The following SUCO variants were observed in gnomAD, a reference collection of about 807,000 sequenced individuals.
The protein encoded by SUCO is SUN domain containing ossification factor.
SUCO carries 57 observed loss-of-function variants against 148.1 expected under a neutral mutation model. The observed-to-expected ratio is 0.38, with a 90% CI of 0.31 to 0.48. The LOEUF (loss-of-function observed/expected upper bound fraction) is 0.48, where lower values mean the gene tolerates loss of function less well. SUCO is among the 20% of genes least tolerant of loss of function. The probability of loss-of-function intolerance (pLI) is 0.96; values close to 1 mark genes in which losing one functional copy is unlikely to be tolerated. For synonymous variants in SUCO, 470 were observed against 502.7 expected, an observed-to-expected ratio of 0.93 and a Z score of 0.87; for missense variants, 1,331 against 1,468.2, an observed-to-expected ratio of 0.91 and a Z score of 1.53.
intron 9 of SUCO, among the ~76,000 whole-genome samples, chr1:172,571,340 C>T (rs1275133434): frequency 1.3e-5 from 2 of 152,344 alleles, no homozygotes; most frequent in East Asian, 1.9e-4. Context: ...GGATTGCAGA[C>T]GGAGTCTGGT....
intron 15 of SUCO, among the ~76,000 whole-genome samples, chr1:172,581,710 GT>G (rs954761456): frequency 3.3e-5 from 5 of 151,816 alleles, no homozygotes; most frequent in African/African-American, 1.2e-4. Context: ...TTTGAAACTA[GT>G]TTTTTTTCTT....
At chr1:172,588,000 A>G (rs1368542848) in intron 17 of SUCO, 1 of 738,788 alleles carries the variant, frequency 1.4e-6, no homozygotes, top group African/African-American at 1.9e-5. Flanking sequence ...TAGAATATTA[A>G]TAGTGGCACT....
In SUCO at chr1:172,585,963, G is replaced by C. The variant is rs759161471; in HGVS notation, c.1658+15G>C. 6.6e-6 allele frequency: 10 copies of C among 1,513,830 alleles called. No individual in the cohort carries two copies. The East Asian group carries it at 2.3e-4, about 35-fold the overall frequency. The allele number at this position is 1,513,830 out of a possible 1,614,324, so 93.8% of individuals were successfully genotyped here. ...CCATCTCCTGAGTAAGTTATAATGTGATATTAAATAGAATTTTGTTACAAT... is the reference window on the plus strand; with the variant it reads ...CCATCTCCTGAGTAAGTTATAATGTCATATTAAATAGAATTTTGTTACAAT... On this transcript the variant is annotated intron_variant, in intron 17 of 23. Coordinates refer to ENST00000263688, the MANE Select transcript of SUCO (RefSeq NM_014283.5).
chr1:172,538,746 A>G (rs898845516), intron 1 of SUCO, among the ~76,000 whole-genome samples: 1 of 152,180 alleles, frequency 6.6e-6, no homozygotes, highest in Admixed American at 6.6e-5. Flanking sequence ...AAGACTGAGG[A>G]AAAAAAGTTT....
At chr1:172,608,842 G>A (rs1339455003) in intron 23 of SUCO, 40 bp downstream of exon 23, 3 of 1,346,220 alleles carry the variant, frequency 2.2e-6, no homozygotes, top group South Asian at 2.5e-5. Flanking sequence ...GCTATGTTTT[G>A]TGATAATAAA....
intron 15 of SUCO, among the ~76,000 whole-genome samples, chr1:172,580,669 C>T (rs1655813139): frequency 6.6e-6 from 1 of 152,126 alleles, no homozygotes; most frequent in African/African-American, 2.4e-5. Context: ...AGATCTCTAG[C>T]TTCTGGTAGG....
intron 15 of SUCO, among the ~76,000 whole-genome samples, chr1:172,579,954 A>G (rs925286056): frequency 6.6e-6 from 1 of 152,270 alleles, no homozygotes; most frequent in South Asian, 2.1e-4. Flanking sequence ...ATAAAAACAA[A>G]TCTTAGTAAA....
At chr1:172,591,264 G>T (rs906445219) in intron 19 of SUCO, among the ~76,000 whole-genome samples, 193 bp downstream of exon 19, 1 of 151,778 alleles carries the variant, frequency 6.6e-6, no homozygotes, top group Non-Finnish European at 1.5e-5. Flanking sequence ...TGTAGAGAAA[G>T]ATTTGTTTAA....
chr1:172,535,676 C>T (rs1651959617), intron 1 of SUCO, among the ~76,000 whole-genome samples: 1 of 152,174 alleles, frequency 6.6e-6, no homozygotes, highest in Admixed American at 6.5e-5. Context: ...TTAGTAGCCA[C>T]TTTTGTCTCT....
rs750877844 is a variant in SUCO at position 172,609,780 on chromosome 1, G to A, written c.3322-36G>A. The A allele has an allele frequency of 3.2e-6, 5 of 1,561,824 alleles. No homozygotes were observed. In the African/African-American group the frequency reaches 6.9e-5, roughly 22 times the overall value. The stretch of plus-strand genomic sequence containing the variant: ...GTGTTTGATAAGGTTACTATGGGAA[G>A]TATCATTACTAACTTTTCTTTTACT... On this transcript the variant is annotated intron_variant, in intron 23 of 23. Transcript: ENST00000263688.
chr1:172,557,589 G>GA, intron 5 of SUCO, 55 bp from the exon 6 acceptor site: 1 of 1,497,992 alleles, frequency 6.7e-7, no homozygotes, highest in Non-Finnish European at 9.0e-7. Flanking sequence ...AGATTGTATA[G>GA]AATTTGTTAT....
At chr1:172,539,430 C>CT (rs1307509630) in intron 1 of SUCO, among the ~76,000 whole-genome samples, 6 of 152,064 alleles carry the variant, frequency 3.9e-5, no homozygotes, top group Admixed American at 2.0e-4. Context: ...TAGGAAATTG[C>CT]TTTTGAATAT....
chr1:172,577,906 T>G (rs556763757), intron 13 of SUCO, 87 bp downstream of exon 13: 1 of 1,007,320 alleles, frequency 9.9e-7, no homozygotes, highest in African/African-American at 1.6e-5. Flanking sequence ...GAAATAATTT[T>G]CTCTTACGTG....
intron 19 of SUCO, among the ~76,000 whole-genome samples, chr1:172,592,670 G>T (rs1000626230): frequency 1.7e-4 from 26 of 152,264 alleles, no homozygotes; most frequent in African/African-American, 6.3e-4. Context: ...TGCTGTTTTT[G>T]TTACTGTAGC....
At chr1:172,572,160 G>A (rs1157614731) in intron 9 of SUCO, among the ~76,000 whole-genome samples, 1 of 141,432 alleles carries the variant, frequency 7.1e-6, no homozygotes, top group African/African-American at 2.6e-5. Context: ...TGGGAAGTGA[G>A]GAGCCCCTCT....
intron 19 of SUCO, chr1:172,599,417 G>A (rs1657354037): frequency 7.3e-6 from 6 of 821,684 alleles, no homozygotes; most frequent in South Asian, 5.6e-5. Context: ...CCTAAAGTAT[G>A]CATACAAACT....
At chr1:172,550,634 G>A (rs527472520) in intron 1 of SUCO, among the ~76,000 whole-genome samples, 3 of 151,816 alleles carry the variant, frequency 2.0e-5, no homozygotes, top group African/African-American at 7.2e-5. Context: ...AATGAAAATG[G>A]ACATTCTTGT....
At chr1:172,573,423 T>A (rs562663473) in intron 9 of SUCO, among the ~76,000 whole-genome samples, 1 of 152,182 alleles carries the variant, frequency 6.6e-6, no homozygotes, top group Admixed American at 6.5e-5. Context: ...CCTTATAGAC[T>A]GTGTGTACTT....
Position 172,553,281 on chromosome 1 carries a change from A to C in SUCO, c.199A>C (p.Asn67His), listed in dbSNP as rs746886933. Reference protein sequence around the residue: ...QKKDEREGPINAESLGKSGSN... With the variant: ...QKKDEREGPIHAESLGKSGSN... ...ATAGGATGAAAGAGAGGGACCTATCAATGCCGAATCATTGGGAAAATCAGG... is the reference window on the plus strand; with the variant it reads ...ATAGGATGAAAGAGAGGGACCTATCCATGCCGAATCATTGGGAAAATCAGG... Residue 67 changes from asparagine to histidine, a missense_variant, in exon 3 of 24, where the codon AAT becomes CAT. This residue lies in a region of SUCO where 992 missense variants were observed against 1,093.5 expected (regional missense o/e 0.91). Transcript: ENST00000263688. 67 of 1,596,292 alleles carry C rather than the reference A, an allele frequency of 4.2e-5. No individual in the cohort carries two copies. The highest frequency in any genetic ancestry group is 5.5e-5 in the Non-Finnish European group (64 of 1,168,930).
Sources: allele counts gnomAD v4.1 joint callset (sites outside exome capture counted in the v4.1 genomes callset), GRCh38; gene constraint gnomAD v4.1.1; regional missense constraint gnomAD v4.1.1; transcripts MANE v1.5; gene names NCBI Gene and HGNC (gene_info 2026-07-23, HGNC 2026-07-21).